PCDH7: variants seen among roughly 807,000 people sequenced by gnomAD.
PCDH7 encodes the protein protocadherin-7.
Under a neutral mutation model 58.9 loss-of-function variants are expected in PCDH7, and 17 were observed. That is an observed-to-expected ratio of 0.29 (90% CI 0.20 to 0.43). The LOEUF (loss-of-function observed/expected upper bound fraction) is 0.43, where lower values mean the gene tolerates loss of function less well. Among genes scored for constraint, PCDH7 ranks in the 20% least tolerant of loss-of-function variants. The probability of loss-of-function intolerance (pLI) is 1.00; values close to 1 mark genes in which losing one functional copy is unlikely to be tolerated. For missense variants in PCDH7, 1,274 were observed against 1,441.0 expected (o/e 0.88, Z 1.88); for synonymous variants, 664 against 616.4 (o/e 1.08, Z -1.14).
chr4:30,985,525 C>A (rs980597633), intron 3 of PCDH7, among the ~76,000 whole-genome samples: 1 of 152,034 alleles, frequency 6.6e-6, no homozygotes, highest in African/African-American at 2.4e-5. Context: ...AGTCAACTTA[C>A]TAATTTTGTG....
chr4:30,794,339 T>C (rs1178722708), intron 1 of PCDH7, among the ~76,000 whole-genome samples: 1 of 152,248 alleles, frequency 6.6e-6, no homozygotes, highest in Non-Finnish European at 1.5e-5. Context: ...GCTTTGTTAA[T>C]TGCTGGAAGC....
In PCDH7 at chr4:30,722,692, C is replaced by T; in HGVS notation, c.1270C>T (p.Pro424Ser). The change falls in exon 1 of 2, where the codon CCC becomes TCC. Residue 424 changes from proline to serine, a missense_variant. Around this residue, in one of 3 missense-constraint regions of PCDH7, gnomAD observed 731 missense variants for 881.9 expected, o/e 0.83. Transcript: ENST00000361762. This position sits in a 1 kb window ranked among gnomAD's most constrained non-coding sequence, Gnocchi z 7.6. ...TGAAATCCGCAAGATTGGGCGCATC[C>T]CCCTCAAGGACGGGGTGGCCAACGT... 1 of 1,613,554 alleles carries T rather than the reference C, an allele frequency of 6.2e-7. No homozygotes were observed. Among genetic ancestry groups the T allele is most frequent in the Non-Finnish European group, 8.5e-7 (1 of 1,180,018 alleles).
At chr4:30,886,021 A>G (rs879881612) in intron 1 of PCDH7, among the ~76,000 whole-genome samples, 2,135 of 151,824 alleles carry the variant, frequency 0.014, 45 homozygotes, top group African/African-American at 0.049. Context: ...TAAAAACTCT[A>G]GAAGAAAACC....
At chr4:30,864,455 A>ACACACACACG (rs1734623471) in intron 1 of PCDH7, among the ~76,000 whole-genome samples, 2 of 151,898 alleles carry the variant, frequency 1.3e-5, no homozygotes, top group African/African-American at 2.4e-5. Flanking sequence ...ACACACACAC[A>ACACACACACG]CACACACACA....
At chr4:31,125,253 C>A (rs1428422783) in intron 3 of PCDH7, among the ~76,000 whole-genome samples, 1 of 152,114 alleles carries the variant, frequency 6.6e-6, no homozygotes, top group African/African-American at 2.4e-5. Flanking sequence ...CAGTCACATC[C>A]GAGTGTGGTT....
intron 1 of PCDH7, among the ~76,000 whole-genome samples, chr4:30,846,904 G>T (rs984562768): frequency 6.6e-6 from 1 of 152,026 alleles, no homozygotes; most frequent in Non-Finnish European, 1.5e-5. Context: ...CAGAAGGATT[G>T]CTTGAGGCCA....
At chr4:31,079,232 T>A (rs191524161) in intron 3 of PCDH7, among the ~76,000 whole-genome samples, 1 of 144,414 alleles carries the variant, frequency 6.9e-6, no homozygotes, top group East Asian at 2.0e-4. Flanking sequence ...ATTAGAAATA[T>A]CAATGCAACA....
In PCDH7 at chr4:30,723,157, A is replaced by T. The variant is rs746270504; in HGVS notation, c.1735A>T (p.Met579Leu). Residue 579 changes from methionine to leucine, a missense_variant, in exon 1 of 2, where the codon ATG becomes TTG. Transcript: ENST00000361762. The surrounding 1 kb of genome is among the most constrained non-coding windows in gnomAD (Gnocchi z 4.6). ...CGCCTACTCGCTGGACTCCTCTGTG[A>T]TGGGGATCTTTGCCATCGATCCCGA... 2 of 1,614,096 alleles carry T rather than the reference A, an allele frequency of 1.2e-6. No homozygotes were observed. The highest frequency in any genetic ancestry group is 1.1e-5 in the South Asian group (1 of 91,080).
intron 1 of PCDH7, among the ~76,000 whole-genome samples, chr4:30,872,711 G>GT (rs1488829934): frequency 6.6e-6 from 1 of 152,074 alleles, no homozygotes; most frequent in Non-Finnish European, 1.5e-5. Flanking sequence ...TTCATATGTA[G>GT]TTTTTTACAT....
chr4:31,094,093 C>T (rs1284029718), intron 3 of PCDH7, among the ~76,000 whole-genome samples: 1 of 152,096 alleles, frequency 6.6e-6, no homozygotes, highest in South Asian at 2.1e-4. Context: ...ATAACACTTG[C>T]CTCTTTGATA....
At chr4:30,936,414 T>G (rs1745342391) in intron 2 of PCDH7, among the ~76,000 whole-genome samples, 1 of 152,080 alleles carries the variant, frequency 6.6e-6, no homozygotes, top group Non-Finnish European at 1.5e-5. Context: ...TGAAAACCTA[T>G]TGTAGCCATT....
intron 3 of PCDH7, among the ~76,000 whole-genome samples, chr4:31,120,158 C>G: frequency 6.6e-6 from 1 of 152,090 alleles, no homozygotes; most frequent in East Asian, 1.9e-4. Context: ...AATTATTCTA[C>G]AAGTCACATA....
chr4:30,758,882 AT>A (rs1332361493), intron 1 of PCDH7, among the ~76,000 whole-genome samples: 3 of 148,438 alleles, frequency 2.0e-5, no homozygotes, highest in South Asian at 2.2e-4. Context: ...AAGATAGATA[AT>A]TTTTTTGTTG....
At chr4:31,060,480 C>T (rs1020579383) in intron 3 of PCDH7, among the ~76,000 whole-genome samples, 2 of 151,632 alleles carry the variant, frequency 1.3e-5, no homozygotes, top group Non-Finnish European at 3.0e-5. Flanking sequence ...AATTAAAGTC[C>T]CTTGAGGGGA....
At chr4:30,793,452 CA>C in intron 1 of PCDH7, among the ~76,000 whole-genome samples, 1 of 151,936 alleles carries the variant, frequency 6.6e-6, no homozygotes, top group South Asian at 2.1e-4. Flanking sequence ...TTTCTTATAC[CA>C]GTTAATTAGC....
chr4:31,037,751 T>A (rs1052643329), intron 3 of PCDH7, among the ~76,000 whole-genome samples: 4 of 152,218 alleles, frequency 2.6e-5, no homozygotes, highest in African/African-American at 9.6e-5. Flanking sequence ...ATTTAGCCAG[T>A]TCTCACTTCT....
intron 3 of PCDH7, among the ~76,000 whole-genome samples, chr4:31,040,203 G>T (rs1755742654): frequency 6.6e-6 from 1 of 152,124 alleles, no homozygotes; most frequent in Non-Finnish European, 1.5e-5. Flanking sequence ...TCAGGATATA[G>T]AATATTTCTA....
chr4:30,940,486 A>G (rs1304659888), intron 2 of PCDH7, among the ~76,000 whole-genome samples: 2 of 152,086 alleles, frequency 1.3e-5, no homozygotes, highest in Admixed American at 6.6e-5. Flanking sequence ...ATACACTAGC[A>G]TAGTACAAAA....
intron 1 of PCDH7, chr4:30,885,317 T>C (rs887379419): frequency 1.3e-5 from 2 of 152,190 alleles, no homozygotes; most frequent in African/African-American, 4.8e-5. Context: ...CTTGTTAGTG[T>C]GAAATATCAG....
Sources: gnomAD v4.1 joint callset for allele counts (sites outside exome capture counted in the v4.1 genomes callset) on GRCh38, gnomAD v4.1.1 for gene constraint, gnomAD v4.1.1 regional missense constraint, Gnocchi (gnomAD v3.1) non-coding constraint, MANE v1.5 for transcripts, NCBI Gene and HGNC (gene_info 2026-07-23, HGNC 2026-07-21) for gene names.